Variants in GPCPD1 observed in about 807,000 individuals in gnomAD.
GPCPD1 encodes the protein glycerophosphocholine phosphodiesterase GPCPD1.
In GPCPD1, 29 loss-of-function variants were observed where a neutral mutation model predicts 89.2. That is an observed-to-expected ratio of 0.33 (90% CI 0.24 to 0.44). The LOEUF is 0.44. Among genes scored for constraint, GPCPD1 ranks in the 20% least tolerant of loss-of-function variants. The pLI is 1.00. For missense variants in GPCPD1, 594 were observed against 808.9 expected, an observed-to-expected ratio of 0.73 and a Z score of 3.22; for synonymous variants, 258 against 266.3, an observed-to-expected ratio of 0.97 and a Z score of 0.30.
At chr20:5,578,694 A>C in intron 7 of GPCPD1, 83 bp from the exon 8 acceptor site, 1 of 791,768 alleles carries the variant, frequency 1.3e-6, no homozygotes, top group Non-Finnish European at 2.1e-6. Flanking sequence ...TCTACATTTT[A>C]AAGTGCCCCC....
rs77400631 is a variant in GPCPD1, at chr20:5,564,887, A to G, written c.1329+130T>C. ...AAAGTATCTTCTCTAAAAGGCACCA[A>G]TGATGATAAATTCATATTAACATTG... On this transcript the variant is annotated intron_variant, in intron 15 of 19. Transcript: ENST00000379019. The G allele has an allele frequency of 2.1e-3, 1,403 of 679,358 alleles. 12 individuals are homozygous for G. The highest frequency in any genetic ancestry group is 0.02 in the African/African-American group (1,123 of 55,678). The allele number at this position is 679,358 out of a possible 1,614,324, so 42.1% of individuals were successfully genotyped here.
Position 5,578,700 on chromosome 20 carries a change from C to T in GPCPD1, c.474-89G>A, listed in dbSNP as rs6133232. ...TGCCTAAATTCTACATTTTAAAGTG[C>T]CCCCAAATATGCTAAATCTTCGAAT... On this transcript the variant is annotated intron_variant, in intron 7 of 19. Coordinates refer to ENST00000379019, the MANE Select transcript of GPCPD1 (RefSeq NM_019593.5). The T allele has an allele frequency of 2.2e-3, 1,628 of 746,518 alleles. 33 individuals carry two copies. The East Asian group carries it at 0.033, about 15-fold the overall frequency. The allele number at this position is 746,518 out of a possible 1,614,324, so 46.2% of individuals were successfully genotyped here.
chr20:5,556,734 T>G (rs796892031), intron 19 of GPCPD1, among the ~76,000 whole-genome samples: 7 of 152,318 alleles, frequency 4.6e-5, no homozygotes, highest in African/African-American at 1.7e-4. Context: ...AAAAAAATAT[T>G]TGTTCAATAA....
chr20:5,593,358 C>T lies in GPCPD1; in HGVS notation c.200G>A (p.Arg67His), dbSNP rs1464554250. 8.2e-6 allele frequency: 13 copies of T among 1,589,704 alleles called. No individual in the cohort carries two copies. Among genetic ancestry groups the T allele is most frequent in the Non-Finnish European group, 1.0e-5 (12 of 1,158,516 alleles). ...TTCTAAAAAGTACCCTTTGAAGTAG[C>T]GATACTGAACTGATACTCCTCTACT... ...VLSRGVSVQY[R>H]YFKGYFLEPK... is the part of the protein sequence containing the mutation. Residue 67 changes from arginine (R) to histidine (H), a missense_variant, in exon 4 of 20, where the codon CGC (arginine) becomes CAC (histidine). Transcript: ENST00000379019.
Position 5,562,440 on chromosome 20 carries a change from G to A in GPCPD1, c.1330-910C>T, listed in dbSNP as rs143165426. Among the ~76,000 whole-genome samples, 63 of 152,112 alleles carry A rather than the reference G, an allele frequency of 4.1e-4. No individual in the cohort carries two copies. In the East Asian group the frequency reaches 0.011, roughly 27 times the overall value. On this transcript the variant is annotated intron_variant, in intron 15 of 19. Transcript: ENST00000379019. ...TGGGATTACAGGTGCCTGCCACCAC[G>A]CCTGGCTAATTTTTTGTATTTTAGT...
intron 15 of GPCPD1, 132 bp downstream of exon 15, chr20:5,564,885 C>T (rs1986295692): frequency 3.0e-6 from 2 of 675,616 alleles, no homozygotes; most frequent in African/African-American, 1.8e-5. Context: ...TAAAAGGCAC[C>T]AATGATGATA....
chr20:5,610,047 G>C (rs1568686507), intron 1 of GPCPD1, among the ~76,000 whole-genome samples: 1 of 152,154 alleles, frequency 6.6e-6, no homozygotes, highest in African/African-American at 2.4e-5. Context: ...CCTCTATGCA[G>C]GTCTACATCA....
chr20:5,550,734 T>C (rs1985359120), intron 19 of GPCPD1, among the ~76,000 whole-genome samples: 1 of 152,210 alleles, frequency 6.6e-6, no homozygotes, highest in South Asian at 2.1e-4. Flanking sequence ...TCTGGACATA[T>C]AAAACCTCAA....
chr20:5,555,463 T>C (rs965820659), intron 19 of GPCPD1, among the ~76,000 whole-genome samples: 4 of 152,102 alleles, frequency 2.6e-5, no homozygotes, highest in East Asian at 1.9e-4. Context: ...CACTTGAACC[T>C]GGGAGGCGGA....
At chr20:5,560,219 A>C (rs899839782) in intron 16 of GPCPD1, 143 bp from the exon 17 acceptor site, 1 of 497,298 alleles carries the variant, frequency 2.0e-6, no homozygotes, top group Non-Finnish European at 3.6e-6. Context: ...ATGAAACCTG[A>C]AAAGATTAAG....
At chr20:5,609,133 G>A (rs1396809223) in intron 1 of GPCPD1, among the ~76,000 whole-genome samples, 2 of 152,100 alleles carry the variant, frequency 1.3e-5, no homozygotes. Flanking sequence ...TAGCTAAAGT[G>A]TTTTTTTGGC....
At chr20:5,604,526 A>G (rs1980409854) in intron 1 of GPCPD1, 86 bp from the exon 2 acceptor site, 3 of 511,908 alleles carry the variant, frequency 5.9e-6, no homozygotes, top group African/African-American at 2.3e-5. Context: ...ACCAAGAGCT[A>G]TTTATATTTT....
Position 5,578,546 on chromosome 20 carries a change from T to C in GPCPD1, c.539A>G (p.His180Arg). 1 of 1,613,926 alleles carries C rather than the reference T, an allele frequency of 6.2e-7. No individual in the cohort carries two copies. The highest frequency in any genetic ancestry group is 8.5e-7 in the Non-Finnish European group (1 of 1,179,756). The change falls in exon 8 of 20, where the codon CAC becomes CGC. Residue 180 changes from histidine (H) to arginine (R), a missense_variant. His to Arg is a conservative substitution (Grantham distance 29). Transcript: ENST00000379019. ...DDDRVSPTVL[H>R]KMSNSLEISL... Reference sequence around the variant, plus strand: ...TATCTCCAAGCTATTGGACATTTTGTGGAGTACAGTGGGAGATACCCTATC... The same window carrying C: ...TATCTCCAAGCTATTGGACATTTTGCGGAGTACAGTGGGAGATACCCTATC...
At chr20:5,607,827 A>T (rs1980701976) in intron 1 of GPCPD1, among the ~76,000 whole-genome samples, 1 of 151,896 alleles carries the variant, frequency 6.6e-6, no homozygotes, top group African/African-American at 2.4e-5. Flanking sequence ...CAAATAAAAA[A>T]AAAAAAAAAA....
At chr20:5,565,151 G>C in intron 14 of GPCPD1, 73 bp from the exon 15 acceptor site, 1 of 796,906 alleles carries the variant, frequency 1.3e-6, no homozygotes, top group South Asian at 1.4e-5. Flanking sequence ...TAAATCCTTA[G>C]TGCCAAAAAA....
intron 2 of GPCPD1, 136 bp from the exon 3 acceptor site, chr20:5,598,957 T>C (rs1235800333): frequency 6.2e-6 from 4 of 647,844 alleles, no homozygotes; most frequent in Admixed American, 2.4e-5. Context: ...AGATATAGGT[T>C]TGGGCCCAGG....
intron 4 of GPCPD1, among the ~76,000 whole-genome samples, chr20:5,588,071 C>G (rs534895481): frequency 6.6e-6 from 1 of 152,290 alleles, no homozygotes; most frequent in African/African-American, 2.4e-5. Context: ...TGAAATTGCT[C>G]TTTTAAAAAT....
rs574360854 is a variant in GPCPD1 at position 5,559,588 on chromosome 20, T to A, written c.1532+352A>T. Among the ~76,000 whole-genome samples the A allele has an allele frequency of 4.6e-5, 7 of 151,690 alleles. No individual in the cohort carries two copies. The East Asian group carries it at 1.2e-3, about 25-fold the overall frequency. On this transcript the variant is annotated intron_variant, in intron 17 of 19. Coordinates refer to ENST00000379019, the MANE Select transcript of GPCPD1 (RefSeq NM_019593.5). Reference sequence around the variant, plus strand: ...GTGAGATCCTGTCTCAAAAACAATTTTTTTTAATAAAAGATAAATACAAAT... The same window carrying A: ...GTGAGATCCTGTCTCAAAAACAATTATTTTTAATAAAAGATAAATACAAAT...
chr20:5,577,054 T>TG (rs1568660277), intron 8 of GPCPD1, among the ~76,000 whole-genome samples: 1 of 90,768 alleles, frequency 1.1e-5, no homozygotes. Context: ...AAAAAAGTTG[T>TG]TTTTTTTTTT....
Sources: gnomAD v4.1 joint callset for allele counts (sites outside exome capture counted in the v4.1 genomes callset) on GRCh38, gnomAD v4.1.1 for gene constraint, MANE v1.5 for transcripts, NCBI Gene and HGNC (gene_info 2026-07-23, HGNC 2026-07-21) for gene names.